The following LRRC4C variants were observed in gnomAD, a reference collection of about 807,000 sequenced individuals.
The protein encoded by LRRC4C is leucine rich repeat containing 4C.
LRRC4C carries 5 observed loss-of-function variants against 33.6 expected under a neutral mutation model. That is an observed-to-expected ratio of 0.15 (90% confidence interval 0.08 to 0.31). The LOEUF is 0.31. LRRC4C is among the 10% of genes least tolerant of loss of function. The probability of loss-of-function intolerance (pLI) is 1.00; values close to 1 mark genes in which losing one functional copy is unlikely to be tolerated. For synonymous variants in LRRC4C, 329 were observed against 302.0 expected (o/e 1.09, Z -0.93); for missense variants, 560 against 796.7 (o/e 0.70, Z 3.58).
intron 3 of LRRC4C, among the ~76,000 whole-genome samples, chr11:40,635,297 T>A (rs973056263): frequency 2.0e-5 from 3 of 152,214 alleles, no homozygotes; most frequent in African/African-American, 7.2e-5. Context: ...TTAAGCTAGT[T>A]GTCTACAGGA....
intron 1 of LRRC4C, among the ~76,000 whole-genome samples, chr11:41,061,131 A>T (rs987149069): frequency 6.6e-6 from 1 of 152,150 alleles, no homozygotes; most frequent in Non-Finnish European, 1.5e-5. Flanking sequence ...CTCCTGCTGT[A>T]CTTATCATAC....
chr11:41,063,664 G>T (rs1414455422), intron 1 of LRRC4C, among the ~76,000 whole-genome samples: 1 of 152,186 alleles, frequency 6.6e-6, no homozygotes, highest in Non-Finnish European at 1.5e-5. Flanking sequence ...GGATAGGGAG[G>T]CTGTAGCGAA....
chr11:40,415,615 A>C (rs1400711952), intron 3 of LRRC4C, among the ~76,000 whole-genome samples: 2 of 152,180 alleles, frequency 1.3e-5, no homozygotes, highest in East Asian at 3.9e-4. Flanking sequence ...TGAATGTAGA[A>C]AAAGGGTAAT....
intron 1 of LRRC4C, among the ~76,000 whole-genome samples, chr11:41,437,223 A>T (rs1955457853): frequency 1.3e-5 from 2 of 152,172 alleles, no homozygotes; most frequent in Admixed American, 1.3e-4. Flanking sequence ...CTGAAAATAC[A>T]GTACAAATAT....
chr11:41,297,223 A>G (rs1460616962), intron 1 of LRRC4C, among the ~76,000 whole-genome samples: 2 of 152,210 alleles, frequency 1.3e-5, no homozygotes, highest in African/African-American at 4.8e-5. Flanking sequence ...CATACACACC[A>G]GGAATAAACC....
intron 1 of LRRC4C, among the ~76,000 whole-genome samples, chr11:41,145,508 T>C (rs1943690827): frequency 8.5e-6 from 1 of 117,720 alleles, no homozygotes; most frequent in Non-Finnish European, 2.0e-5. Flanking sequence ...CATTTATTTA[T>C]ATATTGCCTA....
chr11:40,904,636 G>T (rs1956341377), intron 2 of LRRC4C, among the ~76,000 whole-genome samples: 1 of 152,074 alleles, frequency 6.6e-6, no homozygotes, highest in African/African-American at 2.4e-5. Context: ...CATGACTGTA[G>T]CTCAGAGCCA....
intron 2 of LRRC4C, among the ~76,000 whole-genome samples, chr11:40,880,863 GTA>G (rs61004501): frequency 4.8e-5 from 7 of 145,616 alleles, no homozygotes; most frequent in East Asian, 4.1e-4. Context: ...ATGTGTGTGT[GTA>G]TATATATATA....
chr11:40,194,947 C>T (rs112551851), intron 5 of LRRC4C, among the ~76,000 whole-genome samples: 61 of 151,858 alleles, frequency 4.0e-4, no homozygotes, highest in African/African-American at 1.3e-3. Flanking sequence ...AACAATTAGC[C>T]GGGTGTGGTG....
chr11:41,206,397 A>G (rs1946603566), intron 1 of LRRC4C, among the ~76,000 whole-genome samples: 1 of 152,184 alleles, frequency 6.6e-6, no homozygotes, highest in African/African-American at 2.4e-5. Context: ...AATTAATCAA[A>G]AAAGTCTAAT....
chr11:41,258,133 T>C (rs542038581), intron 1 of LRRC4C, among the ~76,000 whole-genome samples: 2 of 152,058 alleles, frequency 1.3e-5, no homozygotes, highest in East Asian at 3.9e-4. Flanking sequence ...TGCTGAAATA[T>C]AATATCTGAG....
chr11:41,415,065 A>T (rs1018547790), intron 1 of LRRC4C, among the ~76,000 whole-genome samples: 1 of 152,166 alleles, frequency 6.6e-6, no homozygotes, highest in African/African-American at 2.4e-5. Flanking sequence ...CATACAGTGC[A>T]TCTGCTGGAA....
At chr11:41,114,960 TGGA>T (rs1942037880) in intron 1 of LRRC4C, among the ~76,000 whole-genome samples, 1 of 151,884 alleles carries the variant, frequency 6.6e-6, no homozygotes. Flanking sequence ...AATAACACAG[TGGA>T]GGAGGAGTAG....
chr11:40,537,733 T>C (rs756441517), intron 3 of LRRC4C, among the ~76,000 whole-genome samples: 3 of 152,074 alleles, frequency 2.0e-5, no homozygotes, highest in Admixed American at 6.6e-5. Flanking sequence ...CCATGATATA[T>C]ATATATGTGG....
chr11:40,312,214 C>G (rs1945349455), intron 4 of LRRC4C, among the ~76,000 whole-genome samples: 1 of 152,086 alleles, frequency 6.6e-6, no homozygotes, highest in Non-Finnish European at 1.5e-5. Flanking sequence ...CTGTCAGTTT[C>G]TTTGAATTAT....
chr11:41,322,941 G>A (rs190532657), intron 1 of LRRC4C, among the ~76,000 whole-genome samples: 2 of 152,168 alleles, frequency 1.3e-5, no homozygotes, highest in East Asian at 1.9e-4. Context: ...TTATTCAAAT[G>A]CATTAACCAA....
At chr11:40,349,153 C>G (rs1488592437) in intron 3 of LRRC4C, among the ~76,000 whole-genome samples, 1 of 152,076 alleles carries the variant, frequency 6.6e-6, no homozygotes. Flanking sequence ...CTATCAAATA[C>G]TAGATTTTAT....
intron 3 of LRRC4C, among the ~76,000 whole-genome samples, chr11:40,572,755 A>C (rs1958034006): frequency 6.6e-6 from 1 of 152,220 alleles, no homozygotes; most frequent in East Asian, 1.9e-4. Flanking sequence ...GGAGTCACAC[A>C]GTGAGGGGAC....
intron 2 of LRRC4C, among the ~76,000 whole-genome samples, chr11:40,752,379 C>A (rs574325347): frequency 2.0e-5 from 3 of 151,974 alleles, no homozygotes; most frequent in African/African-American, 7.2e-5. Flanking sequence ...CCAGAATATA[C>A]AAGGAGCTCA....
Sources: allele counts gnomAD v4.1 joint callset (sites outside exome capture counted in the v4.1 genomes callset), GRCh38; gene constraint gnomAD v4.1.1; transcripts MANE v1.5; gene names NCBI Gene and HGNC (gene_info 2026-07-23, HGNC 2026-07-21).